ARHGAP12: variants seen among roughly 807,000 people sequenced by gnomAD.
The protein encoded by ARHGAP12 is rho GTPase-activating protein 12.
In ARHGAP12, 64 loss-of-function variants were observed where a neutral mutation model predicts 108.6. That is an observed-to-expected ratio of 0.59 (90% CI 0.48 to 0.73). The LOEUF (loss-of-function observed/expected upper bound fraction) is 0.73. ARHGAP12 is among the 30% of genes least tolerant of loss of function. The pLI is 0.00. For missense variants in ARHGAP12, 940 were observed against 1,005.9 expected, an observed-to-expected ratio of 0.93 and a Z score of 0.89; for synonymous variants, 312 against 337.2, an observed-to-expected ratio of 0.93 and a Z score of 0.82.
chr10:31,823,330 C>G (rs1835483869), intron 11 of ARHGAP12, among the ~76,000 whole-genome samples: 1 of 152,062 alleles, frequency 6.6e-6, no homozygotes, highest in Admixed American at 6.6e-5. Context: ...TTCCAGAAAA[C>G]CAGTGGAAGG....
At chr10:31,918,186 G>T (rs750177972) in intron 1 of ARHGAP12, among the ~76,000 whole-genome samples, 2 of 151,882 alleles carry the variant, frequency 1.3e-5, no homozygotes, top group African/African-American at 2.4e-5. Context: ...ATGCATTTTT[G>T]ACTCACAACA....
intron 3 of ARHGAP12, among the ~76,000 whole-genome samples, chr10:31,863,793 ACACC>A (rs1837222689): frequency 6.6e-6 from 1 of 152,152 alleles, no homozygotes; most frequent in Non-Finnish European, 1.5e-5. Context: ...ATCTCTACAG[ACACC>A]AAGAAAGCAT....
At position 31,817,888 on chromosome 10, in the gene ARHGAP12, T is replaced by C; in HGVS notation, c.1633-2A>G. On this transcript the variant is annotated splice_acceptor_variant, in intron 12 of 19. Transcript: ENST00000344936. LOFTEE classifies it high-confidence loss of function. ...TTCTGTTCCTTGACGAGTTTTCAGC[T>C]TTAGAGAAAAGCAGGGAGAAAAAAG... is the stretch of plus-strand genomic sequence containing the variant. 6.2e-7 allele frequency: 1 copy of C among 1,607,450 alleles called. No individual in the cohort carries two copies. Among genetic ancestry groups the C allele is most frequent in the Non-Finnish European group, 8.5e-7 (1 of 1,176,506 alleles).
chr10:31,870,592 A>G (rs553543698), intron 3 of ARHGAP12, among the ~76,000 whole-genome samples: 2 of 152,318 alleles, frequency 1.3e-5, no homozygotes, highest in East Asian at 3.9e-4. Context: ...CAGTTAACAG[A>G]GTACAAAAAG....
chr10:31,809,235 T>C lies in ARHGAP12; in HGVS notation c.2123A>G (p.Asn708Ser), dbSNP rs140324216. 4.0e-5 allele frequency: 64 copies of C among 1,613,796 alleles called. No homozygotes were observed. The highest frequency in any genetic ancestry group is 1.3e-4 in the Admixed American group (8 of 59,996). The change falls in exon 17 of 20, where the codon AAT (asparagine) becomes AGT (serine). Residue 708 changes from asparagine to serine, a missense_variant. Asn to Ser is a conservative substitution (Grantham distance 46). Transcript: ENST00000344936. Reference sequence around the variant, plus strand: ...AACAGTAAATATAATCTTACCATGATTGACTGCAAACCTTAGTTTCTGGAT... The same window carrying C: ...AACAGTAAATATAATCTTACCATGACTGACTGCAAACCTTAGTTTCTGGAT... ...AVIQKLRFAV[N>S]HDEKLDLNDS... is the part of the protein sequence containing the mutation.
chr10:31,854,895 A>G (rs879614528), intron 4 of ARHGAP12, among the ~76,000 whole-genome samples: 44 of 150,710 alleles, frequency 2.9e-4, no homozygotes, highest in Non-Finnish European at 4.9e-4. Context: ...TTGGGAGGCC[A>G]AGGCCAGAGG....
chr10:31,912,831 A>G (rs2132469243), intron 1 of ARHGAP12, among the ~76,000 whole-genome samples: 1 of 152,358 alleles, frequency 6.6e-6, no homozygotes, highest in South Asian at 2.1e-4. Context: ...CAGGAACTAC[A>G]TGTTACAATC....
intron 3 of ARHGAP12, among the ~76,000 whole-genome samples, chr10:31,869,570 AC>A (rs1837463878): frequency 6.6e-6 from 1 of 150,666 alleles, no homozygotes; most frequent in Non-Finnish European, 1.5e-5. Flanking sequence ...ACAAAACACC[AC>A]CCCCTCCCCC....
intron 3 of ARHGAP12, among the ~76,000 whole-genome samples, chr10:31,907,633 T>TAA (rs201334534): frequency 2.8e-4 from 36 of 127,662 alleles, no homozygotes; most frequent in South Asian, 5.0e-4. Flanking sequence ...GACCTTGTCT[T>TAA]AAAAAAAAAA....
intron 11 of ARHGAP12, among the ~76,000 whole-genome samples, chr10:31,825,640 C>CT (rs1554775136): frequency 1.3e-5 from 2 of 152,108 alleles, no homozygotes; most frequent in South Asian, 2.1e-4. Context: ...GCTATCCCAG[C>CT]GTTAAGGAGA....
chr10:31,851,754 A>G (rs948762537), intron 6 of ARHGAP12, among the ~76,000 whole-genome samples: 2 of 152,182 alleles, frequency 1.3e-5, no homozygotes, highest in African/African-American at 4.8e-5. Context: ...TTCTATATCC[A>G]TGTTTCATTT....
In ARHGAP12 at chr10:31,814,311, T is replaced by C; in HGVS notation, c.1782A>G (p.Gly594=). Residue 594 remains glycine (G), a synonymous_variant, in exon 14 of 20, where the codon GGA becomes GGG. Transcript: ENST00000344936. ...CCTTTTCTTTATCATGCTTTTCTAT[T>C]CCTGGTGAATCCGGTATCTCCTCTT... ...GIEEEIPDSP[G]IEKHDKEKEQ... is the part of the protein sequence containing the mutation. 6.2e-7 allele frequency: 1 copy of C among 1,614,126 alleles called. No homozygotes were observed. The highest frequency in any genetic ancestry group is 1.7e-5 in the Admixed American group (1 of 60,030).
At chr10:31,818,198 A>G (rs1367022502) in intron 12 of ARHGAP12, among the ~76,000 whole-genome samples, 4 of 152,240 alleles carry the variant, frequency 2.6e-5, no homozygotes, top group African/African-American at 9.6e-5. Flanking sequence ...TCACTTAAAA[A>G]TCTGTTCAAG....
intron 1 of ARHGAP12, among the ~76,000 whole-genome samples, chr10:31,913,965 A>G (rs1231840574): frequency 3.3e-5 from 5 of 152,188 alleles, no homozygotes; most frequent in Non-Finnish European, 5.9e-5. Context: ...TGGCATGGAA[A>G]TTTAAAGGTA....
At chr10:31,917,895 C>A (rs927679552) in intron 1 of ARHGAP12, among the ~76,000 whole-genome samples, 1 of 152,044 alleles carries the variant, frequency 6.6e-6, no homozygotes, top group African/African-American at 2.4e-5. Context: ...TCCCAACTTG[C>A]AATGGTTCCA....
chr10:31,915,907 T>G (rs781413485), intron 1 of ARHGAP12, among the ~76,000 whole-genome samples: 1 of 152,228 alleles, frequency 6.6e-6, no homozygotes, highest in Non-Finnish European at 1.5e-5. Flanking sequence ...TGTGAATAAT[T>G]AATGCTATTT....
chr10:31,835,326 T>C (rs904666400), intron 9 of ARHGAP12, among the ~76,000 whole-genome samples: 3 of 152,162 alleles, frequency 2.0e-5, no homozygotes, highest in Non-Finnish European at 4.4e-5. Flanking sequence ...GAAAGCTTCA[T>C]AAAAAATATC....
chr10:31,817,371 G>C (rs1483190920), intron 13 of ARHGAP12, among the ~76,000 whole-genome samples: 1 of 152,136 alleles, frequency 6.6e-6, no homozygotes, highest in Non-Finnish European at 1.5e-5. Context: ...AAAAACTAGA[G>C]AACTGTCACT....
chr10:31,867,883 T>A (rs775933537), intron 3 of ARHGAP12, among the ~76,000 whole-genome samples: 1 of 151,432 alleles, frequency 6.6e-6, no homozygotes, highest in Non-Finnish European at 1.5e-5. Flanking sequence ...GTGAAAATGC[T>A]ATGAATGATT....
Sources: gnomAD v4.1 joint callset for allele counts (sites outside exome capture counted in the v4.1 genomes callset) on GRCh38, gnomAD v4.1.1 for gene constraint, MANE v1.5 for transcripts, NCBI Gene and HGNC (gene_info 2026-07-23, HGNC 2026-07-21) for gene names.